THBS4: variants seen among roughly 807,000 people sequenced by gnomAD.
THBS4 encodes thrombospondin 4.
In THBS4, 90 loss-of-function variants were observed where a neutral mutation model predicts 115.7. That is an observed-to-expected ratio of 0.78 (90% CI 0.66 to 0.93). THBS4 has a LOEUF of 0.93. Ranked by LOEUF, THBS4 falls within the 40% of genes least tolerant of loss-of-function variation. The pLI, the probability that THBS4 is intolerant of heterozygous loss-of-function variation, is 0.00. For synonymous variants in THBS4, 460 were observed against 479.3 expected (o/e 0.96, Z 0.53); for missense variants, 1,087 against 1,232.7 (o/e 0.88, Z 1.77).
At chr5:80,055,087 C>T (rs573107957) in intron 2 of THBS4, among the ~76,000 whole-genome samples, 2 of 151,736 alleles carry the variant, frequency 1.3e-5, no homozygotes, top group African/African-American at 4.8e-5. Flanking sequence ...TTTGGGAGGC[C>T]GAGGCAGGTG....
At chr5:79,996,956 A>G (rs1391654955) in intron 1 of THBS4, among the ~76,000 whole-genome samples, 3 of 152,128 alleles carry the variant, frequency 2.0e-5, no homozygotes, top group Admixed American at 6.6e-5. Flanking sequence ...AAATATGTAT[A>G]TTATAATACT....
intron 2 of THBS4, among the ~76,000 whole-genome samples, chr5:80,005,764 T>A (rs909043512): frequency 2.4e-5 from 2 of 84,442 alleles, no homozygotes; most frequent in African/African-American, 1.2e-4. Flanking sequence ...TTTGTGGCAT[T>A]TTTTTTTTTT....
At chr5:80,071,915 A>G (rs932399368) in intron 13 of THBS4, 25 of 206,480 alleles carry the variant, frequency 1.2e-4, no homozygotes, top group Non-Finnish European at 2.3e-4. Context: ...GACACAATGG[A>G]CCCAGCTCCA....
chr5:80,004,203 A>G (rs1580903193), intron 2 of THBS4, among the ~76,000 whole-genome samples: 1 of 152,294 alleles, frequency 6.6e-6, no homozygotes, highest in South Asian at 2.1e-4. Context: ...GGGTTGATTT[A>G]GGGTTTTGGT....
chr5:80,039,969 C>T (rs1301280017), intron 1 of THBS4, 108 bp from the exon 2 acceptor site: 4 of 953,582 alleles, frequency 4.2e-6, no homozygotes, highest in Non-Finnish European at 6.6e-6. Context: ...GATTAGTTTA[C>T]ATTACTTTGT....
chr5:80,001,433 G>C (rs1038152644), intron 2 of THBS4, among the ~76,000 whole-genome samples: 1 of 152,204 alleles, frequency 6.6e-6, no homozygotes, highest in Non-Finnish European at 1.5e-5. Flanking sequence ...GTGATACCAA[G>C]ATCAATCAGA....
At chr5:80,003,750 C>T (rs946416822) in intron 2 of THBS4, among the ~76,000 whole-genome samples, 1 of 152,242 alleles carries the variant, frequency 6.6e-6, no homozygotes, top group Non-Finnish European at 1.5e-5. Flanking sequence ...AATCCCATAT[C>T]TCTGAAGACC....
intron 2 of THBS4, among the ~76,000 whole-genome samples, chr5:80,005,403 G>A (rs976003207): frequency 6.6e-6 from 1 of 152,188 alleles, no homozygotes; most frequent in African/African-American, 2.4e-5. Flanking sequence ...GCAGTTATCT[G>A]AATTAAGTGT....
chr5:80,079,794 G>A, intron 19 of THBS4, 111 bp from the exon 20 acceptor site: 1 of 1,186,728 alleles, frequency 8.4e-7, no homozygotes, highest in Non-Finnish European at 1.2e-6. Flanking sequence ...CTGAATCCAA[G>A]GCAGCCGGAT....
rs1044541065 is a variant in THBS4, at chr5:80,016,625, A to C, written n.177+18198A>C. Among the ~76,000 whole-genome samples the C allele has an allele frequency of 3.3e-5, 5 of 152,314 alleles. No individual in the cohort carries two copies. The East Asian group carries it at 9.6e-4, about 29-fold the overall frequency. On this transcript the variant is annotated intron_variant and non_coding_transcript_variant, in intron 2 of 3. Transcript: ENST00000510218. ...CATAAATGATGAACAAATAATATAC[A>C]CATATTATTGTATTTAGGATTATAG...
chr5:80,082,667 C>T lies in THBS4; in HGVS notation c.2824+122C>T, dbSNP rs1240192444. 4 of 1,159,662 alleles carry T rather than the reference C, an allele frequency of 3.4e-6. No homozygotes were observed. The African/African-American group carries it at 6.2e-5, about 18-fold the overall frequency. The allele number at this position is 1,159,662 out of a possible 1,614,324, so 71.8% of individuals were successfully genotyped here. ...CGCTCATACCACATAGTCATTAAAA[C>T]CTGATAGTCCCTGTGTACCAGAAGT... On this transcript the variant is annotated intron_variant, in intron 21 of 21. Coordinates refer to ENST00000350881, the MANE Select transcript of THBS4 (RefSeq NM_003248.6).
At chr5:80,065,561 AC>A in intron 9 of THBS4, 84 bp downstream of exon 9, 4 of 1,254,786 alleles carry the variant, frequency 3.2e-6, no homozygotes, top group Non-Finnish European at 3.4e-6. Context: ...GCTTCCAAAC[AC>A]ACCTAGAACA....
intron 2 of THBS4, among the ~76,000 whole-genome samples, chr5:80,028,861 T>A (rs79874298): frequency 0.012 from 1,897 of 152,228 alleles, 34 homozygotes; most frequent in African/African-American, 0.042. Context: ...AGTGTTCCTG[T>A]ACCCCCCTCC....
At chr5:80,004,641 T>A (rs1344357891) in intron 2 of THBS4, among the ~76,000 whole-genome samples, 2 of 152,278 alleles carry the variant, frequency 1.3e-5, no homozygotes, top group Non-Finnish European at 2.9e-5. Flanking sequence ...ATTCTAAATT[T>A]TAAATTGTTT....
intron 1 of THBS4, among the ~76,000 whole-genome samples, chr5:80,038,748 T>C (rs1832796659): frequency 1.3e-5 from 2 of 152,180 alleles, no homozygotes; most frequent in Admixed American, 1.3e-4. Context: ...TATCCATTAT[T>C]TCCCTAGGAT....
intron 9 of THBS4, chr5:80,066,692 A>G (rs1833839710): frequency 6.6e-6 from 1 of 152,260 alleles, no homozygotes; most frequent in Non-Finnish European, 1.5e-5. Flanking sequence ...CTTCTCCGCA[A>G]TGCTATATTG....
chr5:80,035,952 G>A lies in THBS4; in HGVS notation c.88+327G>A, dbSNP rs577633058. ...TTAACATGTTAGGCTCTGGTGTAGGGTGAATTCCGGGTCCTGCACCCTGTG... is the reference window on the plus strand; with the variant it reads ...TTAACATGTTAGGCTCTGGTGTAGGATGAATTCCGGGTCCTGCACCCTGTG... On this transcript the variant is annotated intron_variant, in intron 1 of 21. Coordinates refer to ENST00000350881, the MANE Select transcript of THBS4 (RefSeq NM_003248.6). The surrounding 1 kb of genome is among the most constrained non-coding windows in gnomAD (Gnocchi z 4.6). 4.1e-4 allele frequency: 433 copies of A among 1,045,380 alleles called. 2 individuals carry two copies. Among genetic ancestry groups the A allele is most frequent in the Middle Eastern group, 8.8e-4 (2 of 2,278 alleles). The allele number at this position is 1,045,380 out of a possible 1,614,324, so 64.8% of individuals were successfully genotyped here.
Position 80,058,766 on chromosome 5 carries a change from G to T in THBS4, c.708G>T (p.Glu236Asp), listed in dbSNP as rs201245537. 1 of 1,614,012 alleles carries T rather than the reference G, an allele frequency of 6.2e-7. No individual in the cohort carries two copies. Among genetic ancestry groups the T allele is most frequent in the South Asian group, 1.1e-5 (1 of 91,024 alleles). ...QMTQLNQLLG[E>D]VKDLLRQQVK... ...CACAATTAAACCAACTCCTGGGAGAGGTGAAGGACCTTCTGAGACAGCAGG... is the reference window on the plus strand; with the variant it reads ...CACAATTAAACCAACTCCTGGGAGATGTGAAGGACCTTCTGAGACAGCAGG... Residue 236 changes from glutamate (E) to aspartate (D), a missense_variant, in exon 5 of 22, where the codon GAG becomes GAT. Glu to Asp is a conservative substitution (Grantham distance 45). Transcript: ENST00000350881.
intron 2 of THBS4, among the ~76,000 whole-genome samples, chr5:80,055,134 C>A (rs1833380601): frequency 6.6e-6 from 1 of 151,954 alleles, no homozygotes; most frequent in South Asian, 2.1e-4. Flanking sequence ...CCAGCCTGGG[C>A]AACATGGCAA....
Sources: gnomAD v4.1 joint callset for allele counts (sites outside exome capture counted in the v4.1 genomes callset) on GRCh38, gnomAD v4.1.1 for gene constraint, Gnocchi (gnomAD v3.1) non-coding constraint, MANE v1.5 for transcripts, NCBI Gene and HGNC (gene_info 2026-07-23, HGNC 2026-07-21) for gene names.